PLS1: variants seen among roughly 807,000 people sequenced by gnomAD.
PLS1 encodes the protein plastin 1, also known as plastin-1.
A neutral mutation model predicts 73.7 loss-of-function variants in PLS1; 32 were observed. The observed-to-expected ratio is 0.43, with a 90% CI of 0.33 to 0.58. The LOEUF (loss-of-function observed/expected upper bound fraction) is 0.58, where lower values mean the gene tolerates loss of function less well. Among genes scored for constraint, PLS1 ranks in the 20% least tolerant of loss-of-function variants. The pLI is 0.04. For missense variants in PLS1, 633 were observed against 740.5 expected (o/e 0.85, Z 1.68); for synonymous variants, 217 against 261.3 (o/e 0.83, Z 1.63).
intron 9 of PLS1, among the ~76,000 whole-genome samples, chr3:142,688,544 C>T (rs1289057689): frequency 1.3e-5 from 2 of 152,180 alleles, no homozygotes; most frequent in East Asian, 1.9e-4. Flanking sequence ...CCTATCCCAC[C>T]TCGGTTTTCG....
intron 1 of PLS1, among the ~76,000 whole-genome samples, chr3:142,621,141 C>T (rs889032563): frequency 3.9e-5 from 6 of 152,080 alleles, no homozygotes; most frequent in African/African-American, 1.4e-4. Context: ...AAAATTTTTT[C>T]AGTATTTTTT....
At chr3:142,618,499 G>C (rs745555631) in intron 1 of PLS1, among the ~76,000 whole-genome samples, 3 of 152,208 alleles carry the variant, frequency 2.0e-5, no homozygotes, top group Non-Finnish European at 4.4e-5. Context: ...AACACAGCAG[G>C]ACTGCGTTCC....
At chr3:142,653,060 C>G (rs2108643262) in intron 1 of PLS1, among the ~76,000 whole-genome samples, 1 of 152,290 alleles carries the variant, frequency 6.6e-6, no homozygotes, top group East Asian at 1.9e-4. Context: ...CAAATACTTG[C>G]TGAGTCATTG....
intron 1 of PLS1, among the ~76,000 whole-genome samples, chr3:142,632,647 G>A (rs2036591340): frequency 6.6e-6 from 1 of 150,456 alleles, no homozygotes; most frequent in Admixed American, 6.6e-5. Context: ...CACCCAGGCT[G>A]GAGTGCTGTG....
intron 5 of PLS1, 71 bp from the exon 6 acceptor site, chr3:142,677,961 G>A (rs2037757072): frequency 1.5e-6 from 1 of 667,036 alleles, no homozygotes; most frequent in African/African-American, 1.9e-5. Context: ...TATCTATTTT[G>A]GCTGTTTGCA....
chr3:142,677,579 G>A (rs1402065670), intron 5 of PLS1, among the ~76,000 whole-genome samples: 1 of 152,060 alleles, frequency 6.6e-6, no homozygotes, highest in Non-Finnish European at 1.5e-5. Flanking sequence ...AGGAGGTGGA[G>A]GTTGCAGTGA....
At chr3:142,655,559 A>G (rs986405388) in intron 1 of PLS1, among the ~76,000 whole-genome samples, 1 of 151,848 alleles carries the variant, frequency 6.6e-6, no homozygotes, top group Non-Finnish European at 1.5e-5. Context: ...CGTCTCTACT[A>G]AAAATACAAA....
chr3:142,605,669 T>G (rs1439633156), intron 1 of PLS1, among the ~76,000 whole-genome samples: 1 of 152,260 alleles, frequency 6.6e-6, no homozygotes. Flanking sequence ...CTTCTGTTAC[T>G]GACCATATGA....
chr3:142,678,802 T>C (rs1336088129), intron 6 of PLS1, among the ~76,000 whole-genome samples: 1 of 151,640 alleles, frequency 6.6e-6, no homozygotes, highest in Non-Finnish European at 1.5e-5. Flanking sequence ...ATGAGATGGC[T>C]GGGTCAAATG....
intron 1 of PLS1, among the ~76,000 whole-genome samples, chr3:142,610,957 A>G (rs1018092394): frequency 6.6e-6 from 1 of 152,154 alleles, no homozygotes; most frequent in Non-Finnish European, 1.5e-5. Context: ...CTTTTTCTGT[A>G]AGGGGCCAAG....
chr3:142,680,477 T>G (rs2037825773), intron 6 of PLS1, among the ~76,000 whole-genome samples: 1 of 152,224 alleles, frequency 6.6e-6, no homozygotes. Flanking sequence ...TTTATATTAT[T>G]GTAATTGTTG....
chr3:142,683,121 T>G (rs2037889286), intron 6 of PLS1, among the ~76,000 whole-genome samples: 1 of 152,236 alleles, frequency 6.6e-6, no homozygotes, highest in African/African-American at 2.4e-5. Flanking sequence ...TTTGAGAACC[T>G]CTATGCTTTG....
At chr3:142,626,492 G>A (rs1264481783) in intron 1 of PLS1, among the ~76,000 whole-genome samples, 1 of 152,122 alleles carries the variant, frequency 6.6e-6, no homozygotes, top group Admixed American at 6.5e-5. Flanking sequence ...GATAAAATAA[G>A]ACGATTTTTT....
At chr3:142,639,074 A>T (rs771642103) in intron 1 of PLS1, among the ~76,000 whole-genome samples, 2 of 152,076 alleles carry the variant, frequency 1.3e-5, no homozygotes, top group African/African-American at 2.4e-5. Flanking sequence ...AATTTCTATC[A>T]TCAGTACTTA....
rs182629005 is a variant in PLS1 at position 142,641,999 on chromosome 3, C to T, written c.-36-22203C>T. Among the ~76,000 whole-genome samples the T allele has an allele frequency of 4.6e-3, 706 of 152,116 alleles. 6 individuals carry two copies. The highest frequency in any genetic ancestry group is 6.4e-3 in the Non-Finnish European group (432 of 68,002). ...TCACTCCCTTGAGTTGTGAGTGTTG[C>T]CCTACTCTTATGCAGCTTCCCACTT... On this transcript the variant is annotated intron_variant, in intron 1 of 15. Transcript: ENST00000457734.
intron 1 of PLS1, among the ~76,000 whole-genome samples, chr3:142,598,686 G>A (rs1385106557): frequency 6.6e-6 from 1 of 152,160 alleles, no homozygotes; most frequent in Non-Finnish European, 1.5e-5. Context: ...GGTTTATAAT[G>A]TTCTTTTTAT....
chr3:142,647,853 G>A (rs2036992443), intron 1 of PLS1, among the ~76,000 whole-genome samples: 1 of 152,058 alleles, frequency 6.6e-6, no homozygotes, highest in African/African-American at 2.4e-5. Context: ...ATTCTAGACT[G>A]TACAGGGGTT....
rs144209693 is a variant in PLS1 at position 142,711,891 on chromosome 3, C to A, written c.1774C>A (p.Arg592=). The change falls in exon 16 of 16, where the codon CGA becomes AGA. Residue 592 remains arginine (R), a synonymous_variant. Transcript: ENST00000457734. Reference sequence around the variant, plus strand: ...TTCAAGATACGCCATTTCAGTTGCTCGAAAGATCGGTGCCCGGATATATGC... The same window carrying A: ...TTCAAGATACGCCATTTCAGTTGCTAGAAAGATCGGTGCCCGGATATATGC... ...NNAKYAISVA[R]KIGARIYALP... 1 of 1,613,528 alleles carries A rather than the reference C, an allele frequency of 6.2e-7. No individual in the cohort carries two copies.
At chr3:142,662,997 G>A (rs1577858177) in intron 1 of PLS1, among the ~76,000 whole-genome samples, 1 of 152,188 alleles carries the variant, frequency 6.6e-6, no homozygotes, top group Non-Finnish European at 1.5e-5. Context: ...ATCACTTGAG[G>A]TCAGGAGTTC....
Sources: allele counts gnomAD v4.1 joint callset (sites outside exome capture counted in the v4.1 genomes callset), GRCh38; gene constraint gnomAD v4.1.1; transcripts MANE v1.5; gene names NCBI Gene and HGNC (gene_info 2026-07-23, HGNC 2026-07-21).